The following ERC1 variants were observed in gnomAD, a reference collection of about 807,000 sequenced individuals.
The protein encoded by ERC1 is ELKS/RAB6-interacting/CAST family member 1.
A neutral mutation model predicts 132.0 loss-of-function variants in ERC1; 56 were observed. The observed-to-expected ratio is 0.42, with a 90% CI of 0.34 to 0.53. The LOEUF (loss-of-function observed/expected upper bound fraction) is 0.53, where lower values mean the gene tolerates loss of function less well. Among genes scored for constraint, ERC1 ranks in the 20% least tolerant of loss-of-function variants. The probability of loss-of-function intolerance (pLI) is 0.03; values close to 1 mark genes in which losing one functional copy is unlikely to be tolerated. For missense variants in ERC1, 1,202 were observed against 1,349.9 expected (o/e 0.89, Z 1.72); for synonymous variants, 478 against 476.1 (o/e 1.00, Z -0.05).
intron 1 of ERC1, among the ~76,000 whole-genome samples, chr12:992,511 T>G (rs1279712402): frequency 6.6e-6 from 1 of 152,238 alleles, no homozygotes; most frequent in Non-Finnish European, 1.5e-5. Context: ...CAGTCTTTAT[T>G]AAAACACTTT....
At chr12:1,213,873 A>C (rs1447313209) in intron 12 of ERC1, among the ~76,000 whole-genome samples, 1 of 152,110 alleles carries the variant, frequency 6.6e-6, no homozygotes, top group Non-Finnish European at 1.5e-5. Context: ...CACTGCACTC[A>C]GCCTTGGTGA....
In ERC1 at chr12:1,489,212, C is replaced by T. The variant is rs540025304; in HGVS notation, c.3214-881C>T. Among the ~76,000 whole-genome samples, 3 of 152,298 alleles carry T rather than the reference C, an allele frequency of 2.0e-5. No homozygotes were observed. The East Asian group carries it at 5.8e-4, about 29-fold the overall frequency. On this transcript the variant is annotated intron_variant, in intron 18 of 18. Coordinates refer to ENST00000360905, the MANE Select transcript of ERC1 (RefSeq NM_178040.4). ...CTGGGCCAGGCCTGTCCCAGCCCCA[C>T]GCATCAGCCTTTGTTCTTCTGCGCT...
At chr12:1,213,043 T>A (rs1272276960) in intron 12 of ERC1, among the ~76,000 whole-genome samples, 1 of 152,230 alleles carries the variant, frequency 6.6e-6, no homozygotes, top group Non-Finnish European at 1.5e-5. Flanking sequence ...CTAAAGCTTA[T>A]TTTTTAGTTG....
In ERC1 at chr12:1,353,602, A is replaced by G. The variant is rs919569395; in HGVS notation, c.2781-18231A>G. 3.3e-5 allele frequency among the ~76,000 whole-genome samples: 5 copies of G among 152,360 alleles called. No individual in the cohort carries two copies. In the South Asian group the frequency reaches 8.3e-4, roughly 25 times the overall value. ...ACCAGCTCATTCAATGTGTTTAAAC[A>G]TAGGCTGGGGGGCCACTTGGCAGCC... On this transcript the variant is annotated intron_variant, in intron 15 of 18. Coordinates refer to ENST00000360905, the MANE Select transcript of ERC1 (RefSeq NM_178040.4).
chr12:1,368,149 T>C (rs2154373207), intron 15 of ERC1, among the ~76,000 whole-genome samples: 1 of 152,130 alleles, frequency 6.6e-6, no homozygotes, highest in East Asian at 1.9e-4. Flanking sequence ...CTAGCAAGCC[T>C]CCCCTTTCTG....
chr12:1,192,846 C>T (rs928740871), intron 12 of ERC1, among the ~76,000 whole-genome samples: 10 of 152,206 alleles, frequency 6.6e-5, no homozygotes, highest in South Asian at 6.2e-4. Flanking sequence ...TTTAGGTACC[C>T]TACTTTTTGA....
intron 8 of ERC1, among the ~76,000 whole-genome samples, chr12:1,179,500 C>CTTTTTTTTTTTTTTT (rs58317880): frequency 3.1e-5 from 3 of 95,744 alleles, no homozygotes; most frequent in Non-Finnish European, 5.8e-5. Flanking sequence ...ATTCATTTTT[C>CTTTTTTTTTTTTTTT]TTTTTTTTTT....
chr12:1,018,691 A>T (rs1965891446), intron 1 of ERC1, among the ~76,000 whole-genome samples: 1 of 152,250 alleles, frequency 6.6e-6, no homozygotes, highest in Non-Finnish European at 1.5e-5. Flanking sequence ...AATGGTTTTT[A>T]CGTGGATTTA....
At position 1,080,283 on chromosome 12, in the gene ERC1, C is replaced by T. The variant is rs1033388385; in HGVS notation, c.670-2881C>T. ...ACCCATTAAACAATAACTCCTCGTTCTGTCCCACTCCTATGTCCTGGCAAC... is the reference window on the plus strand; with the variant it reads ...ACCCATTAAACAATAACTCCTCGTTTTGTCCCACTCCTATGTCCTGGCAAC... On this transcript the variant is annotated intron_variant, in intron 2 of 18. Coordinates refer to ENST00000360905, the MANE Select transcript of ERC1 (RefSeq NM_178040.4). Among the ~76,000 whole-genome samples, 4 of 152,304 alleles carry T rather than the reference C, an allele frequency of 2.6e-5. No individual in the cohort carries two copies. The East Asian group carries it at 5.8e-4, about 22-fold the overall frequency.
At chr12:1,354,624 A>G (rs2085349233) in intron 15 of ERC1, among the ~76,000 whole-genome samples, 1 of 152,098 alleles carries the variant, frequency 6.6e-6, no homozygotes, top group Non-Finnish European at 1.5e-5. Flanking sequence ...CAGTTCATTC[A>G]TACTCTTGAA....
intron 12 of ERC1, among the ~76,000 whole-genome samples, chr12:1,191,605 G>A (rs1379294943): frequency 6.6e-6 from 1 of 152,184 alleles, no homozygotes; most frequent in African/African-American, 2.4e-5. Flanking sequence ...GATTTTGGGA[G>A]ATGGATGTGA....
At chr12:1,406,784 G>A (rs1478852926) in intron 16 of ERC1, among the ~76,000 whole-genome samples, 1 of 152,074 alleles carries the variant, frequency 6.6e-6, no homozygotes, top group East Asian at 1.9e-4. Context: ...GAGTTGGGAG[G>A]ATCACTTGAG....
At chr12:1,388,532 G>C (rs1442103560) in intron 16 of ERC1, among the ~76,000 whole-genome samples, 1 of 152,040 alleles carries the variant, frequency 6.6e-6, no homozygotes, top group African/African-American at 2.4e-5. Context: ...AGAGCCAGGA[G>C]GAGACAGGTC....
chr12:1,195,499 G>A (rs180902427), intron 12 of ERC1, among the ~76,000 whole-genome samples: 86 of 152,136 alleles, frequency 5.7e-4, no homozygotes, highest in Middle Eastern at 3.4e-3. Flanking sequence ...GACTAGTTTC[G>A]CATTGAGCAC....
At chr12:1,106,723 C>T (rs1342551598) in intron 4 of ERC1, among the ~76,000 whole-genome samples, 1 of 151,966 alleles carries the variant, frequency 6.6e-6, no homozygotes, top group Non-Finnish European at 1.5e-5. Flanking sequence ...TTCCTGATCC[C>T]TTGTTAACAC....
Position 1,408,194 on chromosome 12 carries a change from C to T in ERC1, c.2971C>T (p.His991Tyr), listed in dbSNP as rs758734709. ...KLMADNYEDD[H>Y]FKSSHSNQTN... is the part of the protein sequence containing the mutation. ...AATGGCCGACAACTACGAGGATGAC[C>T]ACTTCAAATCCTCCCATTCCAATCA... The change falls in exon 17 of 19, where the codon CAC becomes TAC. Residue 991 changes from histidine to tyrosine, a missense_variant. Physicochemically the swap from His to Tyr is moderately conservative, Grantham distance 83. Transcript: ENST00000360905. The T allele has an allele frequency of 1.2e-6, 2 of 1,613,992 alleles. No homozygotes were observed. The highest frequency in any genetic ancestry group is 2.2e-5 in the South Asian group (2 of 91,052).
chr12:1,469,430 G>A (rs566658109), intron 18 of ERC1, among the ~76,000 whole-genome samples: 3 of 152,356 alleles, frequency 2.0e-5, no homozygotes, highest in Non-Finnish European at 4.4e-5. Flanking sequence ...CTCCTTCGGA[G>A]GGGTGGGCCC....
chr12:1,028,653 T>G, intron 2 of ERC1, 81 bp downstream of exon 2: 5 of 1,180,752 alleles, frequency 4.2e-6, no homozygotes, highest in Non-Finnish European at 5.9e-6. Flanking sequence ...TTTCCTAGAT[T>G]TTTCCCTTCG....
chr12:1,450,247 A>G (rs983512992), intron 18 of ERC1, among the ~76,000 whole-genome samples: 1 of 152,192 alleles, frequency 6.6e-6, no homozygotes, highest in South Asian at 2.1e-4. Context: ...CATAACGTAA[A>G]CTATCACCAC....
Sources: allele counts gnomAD v4.1 joint callset (sites outside exome capture counted in the v4.1 genomes callset), GRCh38; gene constraint gnomAD v4.1.1; transcripts MANE v1.5; gene names NCBI Gene and HGNC (gene_info 2026-07-23, HGNC 2026-07-21).